Variants in BCAS3 observed in about 807,000 individuals in gnomAD.
BCAS3 encodes the protein BCAS3 microtubule associated cell migration factor.
A neutral mutation model predicts 116.1 loss-of-function variants in BCAS3; 53 were observed. That is an observed-to-expected ratio of 0.46 (90% CI 0.37 to 0.57). The LOEUF is 0.57. BCAS3 is among the 20% of genes least tolerant of loss of function. The pLI is 0.00. For synonymous variants in BCAS3, 391 were observed against 408.2 expected (o/e 0.96, Z 0.51); for missense variants, 917 against 1,165.4 (o/e 0.79, Z 3.10).
intron 6 of BCAS3, among the ~76,000 whole-genome samples, chr17:60,772,190 T>C (rs1231740447): frequency 6.6e-6 from 1 of 152,238 alleles, no homozygotes; most frequent in Admixed American, 6.5e-5. Context: ...AAAGTGTTCC[T>C]ATTTCTCCAC....
intron 12 of BCAS3, among the ~76,000 whole-genome samples, chr17:60,912,126 T>C (rs1482962069): frequency 6.6e-6 from 1 of 152,158 alleles, no homozygotes; most frequent in Non-Finnish European, 1.5e-5. Context: ...ATTTTAAATA[T>C]ACGTTTCTTA....
chr17:60,936,873 A>G (rs1440368681), intron 13 of BCAS3, among the ~76,000 whole-genome samples: 1 of 151,914 alleles, frequency 6.6e-6, no homozygotes, highest in Non-Finnish European at 1.5e-5. Context: ...ATTAGATCCC[A>G]TTTGTCAGTT....
At chr17:60,704,474 T>C (rs929849237) in intron 4 of BCAS3, among the ~76,000 whole-genome samples, 1 of 152,194 alleles carries the variant, frequency 6.6e-6, no homozygotes, top group Non-Finnish European at 1.5e-5. Context: ...GGGAACCCTT[T>C]TTCTGGATTG....
intron 22 of BCAS3, among the ~76,000 whole-genome samples, chr17:61,197,257 A>C (rs1318937885): frequency 6.6e-6 from 1 of 152,162 alleles, no homozygotes; most frequent in Non-Finnish European, 1.5e-5. Flanking sequence ...TTATCTAGAA[A>C]AGGGCCGCTT....
intron 12 of BCAS3, among the ~76,000 whole-genome samples, chr17:60,923,311 G>A (rs553925128): frequency 6.6e-6 from 1 of 152,104 alleles, no homozygotes; most frequent in Non-Finnish European, 1.5e-5. Flanking sequence ...CAGTTAAAAC[G>A]GGTAGCTTTT....
At chr17:61,338,416 A>G (rs555149932) in intron 22 of BCAS3, among the ~76,000 whole-genome samples, 2 of 144,580 alleles carry the variant, frequency 1.4e-5, no homozygotes, top group African/African-American at 5.0e-5. Flanking sequence ...TTTTTCTTAT[A>G]TAAAAGATTG....
chr17:61,313,114 G>C lies in BCAS3; in HGVS notation c.2426-55213G>C, dbSNP rs1242316253. Among the ~76,000 whole-genome samples the C allele has an allele frequency of 6.6e-6, 1 of 152,208 alleles. No individual in the cohort carries two copies. The highest frequency in any genetic ancestry group is 1.9e-4 in the East Asian group (1 of 5,200). On this transcript the variant is annotated intron_variant, in intron 22 of 23. Coordinates refer to ENST00000407086, the MANE Select transcript of BCAS3 (RefSeq NM_017679.5). This position sits in a 1 kb window ranked among gnomAD's most constrained non-coding sequence, Gnocchi z 4.3. The stretch of plus-strand genomic sequence containing the variant: ...TAGCATTGATTGAGAAATCTACTCC[G>C]TGTTAGGCTTAGACTACATAGTGAT...
chr17:61,351,892 A>G (rs1411162883), intron 22 of BCAS3, among the ~76,000 whole-genome samples: 1 of 152,250 alleles, frequency 6.6e-6, no homozygotes, highest in Non-Finnish European at 1.5e-5. Context: ...CTGGAGAGCC[A>G]TCTCCTACAT....
rs1278500163 is a variant in BCAS3 at position 61,190,482 on chromosome 17, A to G, written c.2425+105918A>G. ...GCAGAGGTTGCAGTGAGCTGAGATC[A>G]CAACACTGTACTCCAGCCTGGGCTA... is the stretch of plus-strand genomic sequence containing the variant. On this transcript the variant is annotated intron_variant, in intron 22 of 23. Transcript: ENST00000407086. Among the ~76,000 whole-genome samples the G allele has an allele frequency of 3.6e-5, 5 of 137,126 alleles. No individual in the cohort carries two copies. In the Admixed American group the frequency reaches 3.9e-4, roughly 11 times the overall value. The allele number at this position is 137,126 out of a possible 152,430, so 90.0% of individuals were successfully genotyped here. A position where few individuals can be genotyped will look rare whatever the true frequency, so the allele number is the denominator to read the frequency against.
chr17:61,392,352 GAGA>G lies in BCAS3; in HGVS notation c.*228_*230del. On this transcript the variant is annotated 3_prime_UTR_variant, in exon 24 of 24. Coordinates refer to ENST00000407086, the MANE Select transcript of BCAS3 (RefSeq NM_017679.5). This position sits in a 1 kb window ranked among gnomAD's most constrained non-coding sequence, Gnocchi z 6.4. ...CTGTCGGTGGAGGCTGTGGCCAGGA[GAGA>G]CTGTAGAAGCTCGGTCCCTGTGTAT... The G allele has an allele frequency of 2.0e-6, 1 of 505,814 alleles. No individual in the cohort carries two copies. The highest frequency in any genetic ancestry group is 3.3e-5 in the South Asian group (1 of 30,394). The allele number at this position is 505,814 out of a possible 1,614,324, so 31.3% of individuals were successfully genotyped here. A position where few individuals can be genotyped will look rare whatever the true frequency, so the allele number is the denominator to read the frequency against.
intron 22 of BCAS3, among the ~76,000 whole-genome samples, chr17:61,277,617 A>G (rs949071576): frequency 8.7e-6 from 1 of 115,046 alleles, no homozygotes; most frequent in Non-Finnish European, 1.6e-5. Flanking sequence ...ACTTATATCT[A>G]GAATATATAA....
chr17:60,967,757 C>T lies in BCAS3; in HGVS notation c.1221+20405C>T. Among the ~76,000 whole-genome samples, 1 of 152,074 alleles carries T rather than the reference C, an allele frequency of 6.6e-6. No homozygotes were observed. The highest frequency in any genetic ancestry group is 1.9e-4 in the East Asian group (1 of 5,190). On this transcript the variant is annotated intron_variant, in intron 14 of 23. Transcript: ENST00000407086. This position sits in a 1 kb window ranked among gnomAD's most constrained non-coding sequence, Gnocchi z 4.7. ...CCTTCTCCCACCACCCCCCACACCC[C>T]CAATTGTATTTTCAAATAGCCAGTA...
In BCAS3 at chr17:61,067,271, G is replaced by GTATATATATA. The variant is rs1473028118; in HGVS notation, c.2030-7648_2030-7647insATATATATAT. ...TTCATAACTTTATTTATGTGTGTAT[G>GTATATATATA]TGTATATATATATATATATATATAT... is the stretch of plus-strand genomic sequence containing the variant. On this transcript the variant is annotated intron_variant, in intron 19 of 23. Transcript: ENST00000407086. 8.9e-4 allele frequency among the ~76,000 whole-genome samples: 49 copies of GTATATATATA among 55,102 alleles called. 1 individual carries two copies. Among genetic ancestry groups the GTATATATATA allele is most frequent in the African/African-American group, 3.4e-3 (46 of 13,394 alleles). The allele number at this position is 55,102 out of a possible 152,430, so 36.1% of individuals were successfully genotyped here. A position where few individuals can be genotyped will look rare whatever the true frequency, so the allele number is the denominator to read the frequency against.
At chr17:61,321,071 C>CA (rs762873824) in intron 22 of BCAS3, among the ~76,000 whole-genome samples, 176 of 152,272 alleles carry the variant, frequency 1.2e-3, no homozygotes, top group Non-Finnish European at 2.1e-3. Context: ...AATAATAAAG[C>CA]TGAGACTAGA....
chr17:61,040,966 G>A (rs2067458219), intron 19 of BCAS3, 74 bp downstream of exon 19: 1 of 1,292,364 alleles, frequency 7.7e-7, no homozygotes, highest in Admixed American at 1.7e-5. Flanking sequence ...AGCTTTGAAA[G>A]CAAACATTAC....
intron 5 of BCAS3, among the ~76,000 whole-genome samples, chr17:60,727,664 A>C (rs1013735897): frequency 7.2e-5 from 11 of 152,164 alleles, no homozygotes; most frequent in Non-Finnish European, 1.5e-5. Flanking sequence ...TCCTGCCTCC[A>C]CATCGTGCAC....
rs754482347 is a variant in BCAS3, at chr17:61,132,785, G to A, written c.2425+48221G>A. On this transcript the variant is annotated intron_variant, in intron 22 of 23. Transcript: ENST00000407086. The surrounding 1 kb of genome is among the most constrained non-coding windows in gnomAD (Gnocchi z 5.1). ...AGATAGAGTCCACTCCCCTATCCCC[G>A]TCAATGAGAAGAAGCTCCTTACCAG... 7.4e-4 allele frequency among the ~76,000 whole-genome samples: 113 copies of A among 152,116 alleles called. No individual in the cohort carries two copies. The highest frequency in any genetic ancestry group is 1.0e-3 in the Non-Finnish European group (69 of 68,012).
intron 4 of BCAS3, among the ~76,000 whole-genome samples, chr17:60,700,102 AG>A (rs1164110094): frequency 2.6e-5 from 4 of 151,638 alleles, no homozygotes; most frequent in Non-Finnish European, 5.9e-5. Context: ...CGAGCCCAGG[AG>A]GTTGAGGCTG....
At chr17:61,177,138 C>G (rs2079194869) in intron 22 of BCAS3, among the ~76,000 whole-genome samples, 1 of 152,156 alleles carries the variant, frequency 6.6e-6, no homozygotes, top group Non-Finnish European at 1.5e-5. Flanking sequence ...TGGAAAACTC[C>G]TTGCTAGTTT....
Sources: gnomAD v4.1 joint callset for allele counts (sites outside exome capture counted in the v4.1 genomes callset) on GRCh38, gnomAD v4.1.1 for gene constraint, Gnocchi (gnomAD v3.1) non-coding constraint, MANE v1.5 for transcripts, NCBI Gene and HGNC (gene_info 2026-07-23, HGNC 2026-07-21) for gene names.